Variants in GMEB1 observed in about 807,000 individuals in gnomAD.
GMEB1 encodes the protein glucocorticoid modulatory element binding protein 1.
A neutral mutation model predicts 52.4 loss-of-function variants in GMEB1; 6 were observed. The observed-to-expected ratio is 0.11, with a 90% CI of 0.06 to 0.23. GMEB1 has a LOEUF of 0.23. Ranked by LOEUF, GMEB1 falls within the 10% of genes least tolerant of loss-of-function variation. The pLI is 1.00. For missense variants in GMEB1, 486 were observed against 685.6 expected (o/e 0.71, Z 3.25); for synonymous variants, 255 against 244.9 (o/e 1.04, Z -0.38).
intron 1 of GMEB1, among the ~76,000 whole-genome samples, chr1:28,670,814 A>G (rs919506643): frequency 6.6e-6 from 1 of 152,056 alleles, no homozygotes; most frequent in African/African-American, 2.4e-5. Context: ...CTAATTTGAG[A>G]GCCTTATATC....
At position 28,714,573 on chromosome 1, in the gene GMEB1, A is replaced by T. The variant is rs772398753; in HGVS notation, c.1492A>T (p.Ile498Phe). Residue 498 changes from isoleucine (I) to phenylalanine (F), a missense_variant, in exon 10 of 10, where the codon ATT becomes TTT. Physicochemically the swap from Ile to Phe is conservative, Grantham distance 21. Around this residue, in one of 5 missense-constraint regions of GMEB1, gnomAD observed 153 missense variants for 200.8 expected, o/e 0.76. Coordinates refer to ENST00000373816, the MANE Select transcript of GMEB1 (RefSeq NM_001319674.2). Reference sequence around the variant, plus strand: ...CATGGAGTCCGGCCTAACCTCGGCAATTCAGGCTGTTGAAAGCACCTCAGA... The same window carrying T: ...CATGGAGTCCGGCCTAACCTCGGCATTTCAGGCTGTTGAAAGCACCTCAGA... ...VAMESGLTSA[I>F]QAVESTSEDG... 1.2e-6 allele frequency: 2 copies of T among 1,614,182 alleles called. No individual in the cohort carries two copies. The highest frequency in any genetic ancestry group is 1.7e-6 in the Non-Finnish European group (2 of 1,180,036).
chr1:28,692,334 C>A (rs545272832), intron 4 of GMEB1, among the ~76,000 whole-genome samples: 29 of 152,090 alleles, frequency 1.9e-4, no homozygotes, highest in Non-Finnish European at 3.2e-4. Flanking sequence ...GAGGTAGAGA[C>A]CAGCCTGGAC....
Position 28,677,967 on chromosome 1 carries a change from T to G in GMEB1, c.-30-5616T>G, listed in dbSNP as rs1669230170. Among the ~76,000 whole-genome samples, 3 of 152,056 alleles carry G rather than the reference T, an allele frequency of 2.0e-5. No individual in the cohort carries two copies. The South Asian group carries it at 6.2e-4, about 32-fold the overall frequency. On this transcript the variant is annotated intron_variant, in intron 1 of 9. Coordinates refer to ENST00000373816, the MANE Select transcript of GMEB1 (RefSeq NM_001319674.2). ...GGGAGGCCAAGGCAGGCGGATCACC[T>G]GAGGTCAGGAGTTTGAGACCAGCCT...
chr1:28,687,658 T>A (rs530674627), intron 2 of GMEB1, among the ~76,000 whole-genome samples: 11 of 152,162 alleles, frequency 7.2e-5, no homozygotes, highest in African/African-American at 2.6e-4. Context: ...CTGGTGGGAA[T>A]GTAGAAGATT....
At chr1:28,708,691 C>T (rs1670902644) in intron 8 of GMEB1, among the ~76,000 whole-genome samples, 1 of 151,922 alleles carries the variant, frequency 6.6e-6, no homozygotes, top group South Asian at 2.1e-4. Flanking sequence ...GGCTGGTAAT[C>T]CACCCACCTC....
At chr1:28,708,637 A>G (rs1670896745) in intron 8 of GMEB1, among the ~76,000 whole-genome samples, 1 of 150,950 alleles carries the variant, frequency 6.6e-6, no homozygotes, top group African/African-American at 2.4e-5. Context: ...AATTTTTTGT[A>G]TTTTTTTGTA....
At chr1:28,671,836 G>T (rs1668899050) in intron 1 of GMEB1, among the ~76,000 whole-genome samples, 1 of 151,982 alleles carries the variant, frequency 6.6e-6, no homozygotes, top group Non-Finnish European at 1.5e-5. Context: ...AATATTTTGG[G>T]CTGGGCGCGG....
At chr1:28,704,147 G>T (rs1209465400) in intron 7 of GMEB1, 45 bp from the exon 8 acceptor site, 1 of 1,538,448 alleles carries the variant, frequency 6.5e-7, no homozygotes, top group Admixed American at 1.9e-5. Context: ...TAAGTATCTA[G>T]GTAGTGTCTC....
At chr1:28,669,279 G>A (rs1668769076) in intron 1 of GMEB1, among the ~76,000 whole-genome samples, 1 of 151,918 alleles carries the variant, frequency 6.6e-6, no homozygotes, top group South Asian at 2.1e-4. Context: ...GAGGGGTCCG[G>A]GGAGCCTGGG....
chr1:28,675,018 C>CT (rs1439790151), intron 1 of GMEB1, among the ~76,000 whole-genome samples: 22,532 of 81,428 alleles, frequency 0.28, 4,184 homozygotes, highest in Non-Finnish European at 0.35. Context: ...CGCGCCCGGC[C>CT]TTTTTTTTTT....
intron 7 of GMEB1, 134 bp from the exon 8 acceptor site, chr1:28,704,058 T>A: frequency 3.7e-6 from 3 of 808,228 alleles, no homozygotes; most frequent in Non-Finnish European, 5.6e-6. Context: ...CAAAGCTTAT[T>A]CCCTTTTTTC....
At chr1:28,697,162 C>CAT (rs71586855) in intron 6 of GMEB1, 78 bp downstream of exon 6, 9,186 of 147,856 alleles carry the variant, frequency 0.062, 542 homozygotes, top group African/African-American at 0.096. Flanking sequence ...CTTGTGTGTA[C>CAT]ATATATATAT....
chr1:28,678,954 A>C (rs1669277356), intron 1 of GMEB1, among the ~76,000 whole-genome samples: 1 of 152,074 alleles, frequency 6.6e-6, no homozygotes, highest in African/African-American at 2.4e-5. Flanking sequence ...CTCTGTCGCC[A>C]GGCTGGAGTG....
At chr1:28,704,121 G>T in intron 7 of GMEB1, 71 bp from the exon 8 acceptor site, 1 of 1,308,582 alleles carries the variant, frequency 7.6e-7, no homozygotes, top group Non-Finnish European at 1.0e-6. Context: ...TGAATTTAAC[G>T]TTGTAGAGAT....
chr1:28,670,989 A>C (rs981325649), intron 1 of GMEB1, among the ~76,000 whole-genome samples: 5 of 152,060 alleles, frequency 3.3e-5, no homozygotes, highest in Non-Finnish European at 5.9e-5. Context: ...TAGCGGGATG[A>C]CTCCAAATAA....
chr1:28,669,556 G>A (rs1273827893), intron 1 of GMEB1, among the ~76,000 whole-genome samples: 4 of 152,070 alleles, frequency 2.6e-5, no homozygotes, highest in African/African-American at 4.8e-5. Flanking sequence ...TTTTCCAAAG[G>A]CAGGGAAGGA....
At chr1:28,674,069 G>C (rs960911571) in intron 1 of GMEB1, among the ~76,000 whole-genome samples, 1 of 151,434 alleles carries the variant, frequency 6.6e-6, no homozygotes, top group Non-Finnish European at 1.5e-5. Flanking sequence ...AGAATTGCTT[G>C]AACTAGGGAG....
At chr1:28,711,510 G>A (rs12144350) in intron 9 of GMEB1, among the ~76,000 whole-genome samples, 1 of 152,114 alleles carries the variant, frequency 6.6e-6, no homozygotes, top group African/African-American at 2.4e-5. Flanking sequence ...CTGGAGTGCA[G>A]TGGCACAATC....
intron 8 of GMEB1, among the ~76,000 whole-genome samples, chr1:28,704,758 C>T (rs1670668143): frequency 6.6e-6 from 1 of 152,096 alleles, no homozygotes; most frequent in Non-Finnish European, 1.5e-5. Flanking sequence ...CAGGCGCCCA[C>T]CACCACATCC....
Sources: gnomAD v4.1 joint callset for allele counts (sites outside exome capture counted in the v4.1 genomes callset) on GRCh38, gnomAD v4.1.1 for gene constraint, gnomAD v4.1.1 regional missense constraint, MANE v1.5 for transcripts, NCBI Gene and HGNC (gene_info 2026-07-23, HGNC 2026-07-21) for gene names.